Variants in PACRG observed in about 807,000 individuals in gnomAD.
PACRG encodes parkin coregulated gene protein.
Under a neutral mutation model 29.7 loss-of-function variants are expected in PACRG, and 29 were observed. That is an observed-to-expected ratio of 0.98 (90% CI 0.73 to 1.33). The LOEUF is 1.33. Ranked by LOEUF, PACRG falls within the 40% of genes most tolerant of loss-of-function variation. The pLI is 0.00. For synonymous variants in PACRG, 116 were observed against 118.7 expected, an observed-to-expected ratio of 0.98 and a Z score of 0.15; for missense variants, 279 against 316.2, an observed-to-expected ratio of 0.88 and a Z score of 0.89.
intron 4 of PACRG, among the ~76,000 whole-genome samples, chr6:163,202,124 GC>G: frequency 6.6e-6 from 1 of 152,300 alleles, no homozygotes; most frequent in East Asian, 1.9e-4. Flanking sequence ...AGCAGGGGAA[GC>G]CGTCCTGTCC....
intron 4 of PACRG, among the ~76,000 whole-genome samples, chr6:163,097,514 TG>T (rs1355922774): frequency 6.6e-6 from 1 of 152,210 alleles, no homozygotes; most frequent in East Asian, 1.9e-4. Flanking sequence ...GAGCCAAATA[TG>T]GGTGACCATG....
At chr6:163,246,111 G>A (rs1782688492) in intron 4 of PACRG, among the ~76,000 whole-genome samples, 1 of 152,148 alleles carries the variant, frequency 6.6e-6, no homozygotes, top group South Asian at 2.1e-4. Flanking sequence ...ATGAGATTTT[G>A]TCACTCCCTT....
intron 2 of PACRG, among the ~76,000 whole-genome samples, chr6:162,895,780 A>G (rs1795120836): frequency 6.6e-6 from 1 of 152,236 alleles, no homozygotes; most frequent in South Asian, 2.1e-4. Context: ...TCTGATTATT[A>G]CTCACAGGAT....
intron 1 of PACRG, among the ~76,000 whole-genome samples, chr6:162,794,960 A>G (rs1404975475): frequency 2.6e-5 from 4 of 152,118 alleles, no homozygotes; most frequent in African/African-American, 7.2e-5. Context: ...AATATTGTGG[A>G]AAAAAAGATC....
chr6:163,149,657 G>A (rs926396367), intron 4 of PACRG, among the ~76,000 whole-genome samples: 8 of 151,784 alleles, frequency 5.3e-5, no homozygotes, highest in African/African-American at 1.7e-4. Flanking sequence ...CACAGCCTCC[G>A]CCCTCTGGGC....
At chr6:162,862,631 C>A (rs1353406127) in intron 2 of PACRG, among the ~76,000 whole-genome samples, 1 of 152,222 alleles carries the variant, frequency 6.6e-6, no homozygotes, top group Non-Finnish European at 1.5e-5. Flanking sequence ...AGGACTAGTA[C>A]AGAAAGTCAC....
chr6:163,059,027 C>T (rs1187712101), intron 2 of PACRG, among the ~76,000 whole-genome samples: 1 of 150,808 alleles, frequency 6.6e-6, no homozygotes, highest in Non-Finnish European at 1.5e-5. Context: ...TGCAGTGAGC[C>T]GAGATCGCAC....
chr6:162,891,678 C>T (rs921849349), intron 2 of PACRG, among the ~76,000 whole-genome samples: 1 of 152,104 alleles, frequency 6.6e-6, no homozygotes, highest in Admixed American at 6.6e-5. Flanking sequence ...TGGTTTGCCA[C>T]CTGAAAAAAC....
rs1188458777 is a variant in PACRG at position 163,055,342 on chromosome 6, GCACA to G, written c.292-6800_292-6797del. Among the ~76,000 whole-genome samples, 1 of 148,952 alleles carries G rather than the reference GCACA, an allele frequency of 6.7e-6. No individual in the cohort carries two copies. Among genetic ancestry groups the G allele is most frequent in the East Asian group, 2.0e-4 (1 of 4,994 alleles). On this transcript the variant is annotated intron_variant, in intron 2 of 4. Coordinates refer to ENST00000366888, the MANE Select transcript of PACRG (RefSeq NM_001080379.2). This position sits in a 1 kb window ranked among gnomAD's most constrained non-coding sequence, Gnocchi z 4.0. ...CATATCCAGGTGTGCACACACACAT[GCACA>G]CACACACGCACACACACGCACACAT...
At chr6:162,951,556 T>TA (rs1799652891) in intron 2 of PACRG, among the ~76,000 whole-genome samples, 2 of 152,196 alleles carry the variant, frequency 1.3e-5, no homozygotes, top group Non-Finnish European at 2.9e-5. Context: ...GGTCCTGTGA[T>TA]ACGTCCACAA....
intron 4 of PACRG, among the ~76,000 whole-genome samples, chr6:163,154,241 G>A (rs575071078): frequency 6.6e-6 from 1 of 152,328 alleles, no homozygotes; most frequent in Admixed American, 6.5e-5. Flanking sequence ...AACATGATAG[G>A]TGCCTAGGAT....
chr6:162,905,025 A>G (rs1795829897), intron 2 of PACRG, among the ~76,000 whole-genome samples: 1 of 152,128 alleles, frequency 6.6e-6, no homozygotes, highest in African/African-American at 2.4e-5. Flanking sequence ...AATGCCTGGG[A>G]CAGAGACAGA....
At chr6:162,875,632 C>T (rs541939783) in intron 2 of PACRG, among the ~76,000 whole-genome samples, 23 of 152,342 alleles carry the variant, frequency 1.5e-4, no homozygotes, top group Non-Finnish European at 2.9e-4. Context: ...ACATTAACCA[C>T]TTGTCCTTTT....
chr6:163,102,533 A>G (rs1464172634), intron 4 of PACRG, among the ~76,000 whole-genome samples: 1 of 152,230 alleles, frequency 6.6e-6, no homozygotes, highest in Non-Finnish European at 1.5e-5. Flanking sequence ...AATACTGTCC[A>G]TCAGGTCTCT....
intron 4 of PACRG, among the ~76,000 whole-genome samples, chr6:163,285,273 T>C (rs1250411414): frequency 6.6e-6 from 1 of 151,894 alleles, no homozygotes; most frequent in African/African-American, 2.4e-5. Context: ...CAAACCCTTC[T>C]CTTTGCCTGT....
chr6:163,257,942 ATAT>A (rs1369477601), intron 4 of PACRG, among the ~76,000 whole-genome samples: 11 of 152,272 alleles, frequency 7.2e-5, no homozygotes, highest in African/African-American at 2.2e-4. Flanking sequence ...ATTTTATTAA[ATAT>A]TATTATTTCC....
chr6:162,869,230 G>A (rs1792589446), intron 2 of PACRG, among the ~76,000 whole-genome samples: 1 of 152,096 alleles, frequency 6.6e-6, no homozygotes, highest in African/African-American at 2.4e-5. Flanking sequence ...GGCTCAGAAC[G>A]TTCCTTGATA....
intron 1 of PACRG, among the ~76,000 whole-genome samples, chr6:162,808,074 T>A (rs1242040911): frequency 2.0e-5 from 3 of 152,212 alleles, no homozygotes; most frequent in Non-Finnish European, 4.4e-5. Flanking sequence ...TTTGTAAGCA[T>A]TGTCCTGGTC....
chr6:162,981,133 G>A (rs1480065469), intron 2 of PACRG, among the ~76,000 whole-genome samples: 4 of 151,844 alleles, frequency 2.6e-5, no homozygotes, highest in Admixed American at 6.6e-5. Context: ...GATAACATAC[G>A]ATGTTTGGTT....
Sources: gnomAD v4.1 joint callset for allele counts (sites outside exome capture counted in the v4.1 genomes callset) on GRCh38, gnomAD v4.1.1 for gene constraint, Gnocchi (gnomAD v3.1) non-coding constraint, MANE v1.5 for transcripts, NCBI Gene and HGNC (gene_info 2026-07-23, HGNC 2026-07-21) for gene names.